The following DCC variants were observed in gnomAD, a reference collection of about 807,000 sequenced individuals.
DCC encodes netrin receptor DCC.
DCC carries 58 observed loss-of-function variants against 172.5 expected under a neutral mutation model. The ratio of observed to expected loss-of-function variants is 0.34; its 90% CI spans 0.27 to 0.42. The LOEUF is 0.42. DCC is among the 10% of genes least tolerant of loss of function. DCC has a pLI of 1.00. For missense variants in DCC, 1,740 were observed against 1,791.0 expected, an observed-to-expected ratio of 0.97 and a Z score of 0.51; for synonymous variants, 709 against 644.5, an observed-to-expected ratio of 1.10 and a Z score of -1.52.
intron 1 of DCC, among the ~76,000 whole-genome samples, chr18:52,543,074 G>T (rs1195864633): frequency 2.0e-5 from 3 of 152,316 alleles, no homozygotes; most frequent in African/African-American, 7.2e-5. Flanking sequence ...TCAGGAGAGA[G>T]CCTGGGCTCC....
At chr18:52,865,804 T>G (rs545915932) in intron 2 of DCC, among the ~76,000 whole-genome samples, 1 of 152,170 alleles carries the variant, frequency 6.6e-6, no homozygotes, top group Non-Finnish European at 1.5e-5. Flanking sequence ...AGGTTCAGCA[T>G]GCAAACAGAG....
intron 27 of DCC, among the ~76,000 whole-genome samples, chr18:53,518,061 A>G (rs986004496): frequency 6.6e-6 from 1 of 152,112 alleles, no homozygotes; most frequent in Non-Finnish European, 1.5e-5. Context: ...TGACACTTCT[A>G]TATCTGCCCC....
chr18:53,099,629 G>A lies in DCC; in HGVS notation c.1261+33463G>A, dbSNP rs536500902. On this transcript the variant is annotated intron_variant, in intron 7 of 28. Coordinates refer to ENST00000442544, the MANE Select transcript of DCC (RefSeq NM_005215.4). ...AATAATAATAGCTAATATTTGTTGA[G>A]CACTATATATTTGTCCTCTAATGAT... 6.2e-4 allele frequency among the ~76,000 whole-genome samples: 94 copies of A among 152,200 alleles called. 1 individual carries two copies. The highest frequency in any genetic ancestry group is 2.1e-3 in the African/African-American group (89 of 41,524).
chr18:52,853,844 G>A (rs2145345869), intron 2 of DCC, among the ~76,000 whole-genome samples: 1 of 152,314 alleles, frequency 6.6e-6, no homozygotes, highest in East Asian at 1.9e-4. Flanking sequence ...GCAGACAGAT[G>A]AAGCCTGCCT....
At chr18:52,735,416 G>A (rs913463074) in intron 1 of DCC, among the ~76,000 whole-genome samples, 3 of 152,030 alleles carry the variant, frequency 2.0e-5, no homozygotes, top group Non-Finnish European at 4.4e-5. Flanking sequence ...CAGAACTAAC[G>A]GGATAGATGA....
chr18:53,351,020 T>C (rs1245336607), intron 15 of DCC, among the ~76,000 whole-genome samples: 4 of 149,140 alleles, frequency 2.7e-5, no homozygotes, highest in Non-Finnish European at 5.9e-5. Flanking sequence ...GGATTTTCTC[T>C]TTTATGATTT....
At chr18:52,962,114 T>G (rs1176218184) in intron 5 of DCC, among the ~76,000 whole-genome samples, 1,881 of 149,994 alleles carry the variant, frequency 0.013, 50 homozygotes, top group African/African-American at 0.044. Context: ...AAATGGGATC[T>G]AATTAAACTA....
chr18:52,415,053 C>T (rs1035714057), intron 1 of DCC, among the ~76,000 whole-genome samples: 2 of 152,178 alleles, frequency 1.3e-5, no homozygotes, highest in Admixed American at 1.3e-4. Flanking sequence ...ACATGGGCTT[C>T]CCTGAATGCT....
chr18:53,515,258 CT>C (rs1716809915), intron 27 of DCC, among the ~76,000 whole-genome samples: 1 of 151,962 alleles, frequency 6.6e-6, no homozygotes, highest in Non-Finnish European at 1.5e-5. Context: ...AACCTTCATG[CT>C]AAAAACTCTC....
At position 52,356,189 on chromosome 18, in the gene DCC, T is replaced by A. The variant is rs556247886; in HGVS notation, c.91+15311T>A. ...GAGGCTTTACCAGTAGGGCTTTTTA[T>A]AATAGTTTTAAGGAGGTCTCAGAAG... On this transcript the variant is annotated intron_variant, in intron 1 of 28. Transcript: ENST00000442544. Among the ~76,000 whole-genome samples the A allele has an allele frequency of 4.6e-5, 7 of 152,276 alleles. No homozygotes were observed. In the South Asian group the frequency reaches 1.2e-3, roughly 27 times the overall value.
chr18:53,093,883 C>A lies in DCC; in HGVS notation c.1261+27717C>A, dbSNP rs1287730277. On this transcript the variant is annotated intron_variant, in intron 7 of 28. Transcript: ENST00000442544. The stretch of plus-strand genomic sequence containing the variant: ...CTACTCTCTCATCCATTCCCATCAT[C>A]CCCTCGCCAGATGAAAGAGTCTGCT... Among the ~76,000 whole-genome samples, 6 of 152,154 alleles carry A rather than the reference C, an allele frequency of 3.9e-5. No homozygotes were observed. In the South Asian group the frequency reaches 1.2e-3, roughly 31 times the overall value.
intron 1 of DCC, among the ~76,000 whole-genome samples, chr18:52,471,080 G>A (rs1988932591): frequency 6.6e-6 from 1 of 152,216 alleles, no homozygotes; most frequent in African/African-American, 2.4e-5. Context: ...GCTGGGCGTG[G>A]TGGTTCATAC....
At chr18:52,815,421 C>CAT (rs1226504847) in intron 2 of DCC, among the ~76,000 whole-genome samples, 1 of 151,794 alleles carries the variant, frequency 6.6e-6, no homozygotes, top group African/African-American at 2.4e-5. Flanking sequence ...TACACACACA[C>CAT]ACACACACAC....
intron 9 of DCC, among the ~76,000 whole-genome samples, chr18:53,182,366 T>C (rs2055210674): frequency 6.6e-6 from 1 of 152,200 alleles, no homozygotes; most frequent in Non-Finnish European, 1.5e-5. Context: ...TAAGGATACC[T>C]TTGCAGATCA....
At chr18:52,393,923 G>A (rs1252866786) in intron 1 of DCC, among the ~76,000 whole-genome samples, 1 of 151,936 alleles carries the variant, frequency 6.6e-6, no homozygotes, top group Non-Finnish European at 1.5e-5. Flanking sequence ...TTGCAATTTT[G>A]TGTTGTTTCC....
At chr18:52,705,081 G>A (rs947711481) in intron 1 of DCC, among the ~76,000 whole-genome samples, 9 of 152,142 alleles carry the variant, frequency 5.9e-5, no homozygotes, top group Non-Finnish European at 8.8e-5. Context: ...AAGGAAGTAT[G>A]TTATGCAAAG....
rs868509904 is a variant in DCC, at chr18:53,256,149, T to C, written c.1911+40552T>C. On this transcript the variant is annotated intron_variant, in intron 12 of 28. Coordinates refer to ENST00000442544, the MANE Select transcript of DCC (RefSeq NM_005215.4). ...GATGAGTAGATTGCAAAAATTTTCT[T>C]CCATTCTGTAGGTTGCCTGTTCACT... is the stretch of plus-strand genomic sequence containing the variant. Among the ~76,000 whole-genome samples, 787 of 152,058 alleles carry C rather than the reference T, an allele frequency of 5.2e-3. 7 individuals carry two copies. Among genetic ancestry groups the C allele is most frequent in the Middle Eastern group, 0.01 (3 of 294 alleles).
intron 14 of DCC, among the ~76,000 whole-genome samples, chr18:53,337,293 G>A (rs2144862762): frequency 6.6e-6 from 1 of 152,300 alleles, no homozygotes; most frequent in African/African-American, 2.4e-5. Context: ...AGAAGATCTA[G>A]TTTATTTTCT....
At chr18:52,867,018 G>A (rs1262728017) in intron 2 of DCC, among the ~76,000 whole-genome samples, 1 of 152,144 alleles carries the variant, frequency 6.6e-6, no homozygotes, top group African/African-American at 2.4e-5. Context: ...CTGTGAGTCT[G>A]TCATAAATAG....
Sources: allele counts gnomAD v4.1 joint callset (sites outside exome capture counted in the v4.1 genomes callset), GRCh38; gene constraint gnomAD v4.1.1; transcripts MANE v1.5; gene names NCBI Gene and HGNC (gene_info 2026-07-23, HGNC 2026-07-21).